ZFPM1: variants seen among roughly 807,000 people sequenced by gnomAD.
ZFPM1 encodes the protein zinc finger protein ZFPM1.
A neutral mutation model predicts 46.3 loss-of-function variants in ZFPM1; 28 were observed. That is an observed-to-expected ratio of 0.60 (90% CI 0.45 to 0.83). The LOEUF (loss-of-function observed/expected upper bound fraction) is 0.83, where lower values mean the gene tolerates loss of function less well. Ranked by LOEUF, ZFPM1 falls within the 40% of genes least tolerant of loss-of-function variation. The pLI, the probability that ZFPM1 is intolerant of heterozygous loss-of-function variation, is 0.00. For missense variants in ZFPM1, 1,878 were observed against 1,432.4 expected, an observed-to-expected ratio of 1.31 and a Z score of -5.02; for synonymous variants, 957 against 675.9, an observed-to-expected ratio of 1.42 and a Z score of -6.45.
intron 3 of ZFPM1, among the ~76,000 whole-genome samples, chr16:88,499,692 T>A (rs1910143109): frequency 6.6e-6 from 1 of 152,184 alleles, no homozygotes; most frequent in African/African-American, 2.4e-5. Context: ...TTGGCTGAAG[T>A]GGGCAGTGTC....
At chr16:88,523,932 C>T (rs566789934) in intron 4 of ZFPM1, among the ~76,000 whole-genome samples, 17 of 152,314 alleles carry the variant, frequency 1.1e-4, no homozygotes, top group African/African-American at 2.9e-4. Context: ...GGGAACATGG[C>T]GCCTGCCCTC....
chr16:88,504,173 A>G (rs1389363701), intron 3 of ZFPM1, among the ~76,000 whole-genome samples: 1 of 152,042 alleles, frequency 6.6e-6, no homozygotes, highest in Non-Finnish European at 1.5e-5. Context: ...TGGTAGGAAG[A>G]AAGGGCCCTC....
intron 3 of ZFPM1, among the ~76,000 whole-genome samples, chr16:88,509,276 C>T (rs1024726372): frequency 1.3e-5 from 2 of 152,230 alleles, no homozygotes; most frequent in South Asian, 2.1e-4. Context: ...GAGACAGGGC[C>T]GCTCCCAACA....
chr16:88,532,647 C>T lies in ZFPM1; in HGVS notation c.980C>T (p.Ser327Leu), dbSNP rs761088971. 8 of 1,589,898 alleles carry T rather than the reference C, an allele frequency of 5.0e-6. 1 individual carries two copies. Among genetic ancestry groups the T allele is most frequent in the South Asian group, 2.3e-5 (2 of 88,664 alleles). Residue 327 changes from serine (S) to leucine (L), a missense_variant, in exon 8 of 10, where the codon TCG becomes TTG. Transcript: ENST00000319555. ...ERPFVCLICLSAFTTKANCER... is the reference protein window; with the variant it reads ...ERPFVCLICLLAFTTKANCER... ...CCCTTCGTGTGCCTGATCTGCCTGT[C>T]GGCCTTCACCACCAAGGCCAACTGC...
rs1195341088 is a variant in ZFPM1, at chr16:88,469,567, T to G, written c.40+15889T>G. Among the ~76,000 whole-genome samples, 1 of 152,094 alleles carries G rather than the reference T, an allele frequency of 6.6e-6. No individual in the cohort carries two copies. Among genetic ancestry groups the G allele is most frequent in the Non-Finnish European group, 1.5e-5 (1 of 68,024 alleles). ...TGTCTACAGGGGGCTTAGGACACCTTAGGGGGCATGCACCTGTGTTCTGCA... is the reference window on the plus strand; with the variant it reads ...TGTCTACAGGGGGCTTAGGACACCTGAGGGGGCATGCACCTGTGTTCTGCA... On this transcript the variant is annotated intron_variant, in intron 1 of 9. Transcript: ENST00000319555. The surrounding 1 kb of genome is among the most constrained non-coding windows in gnomAD (Gnocchi z 4.3).
intron 1 of ZFPM1, among the ~76,000 whole-genome samples, chr16:88,482,309 C>T (rs376051693): frequency 5.8e-4 from 88 of 152,176 alleles, no homozygotes; most frequent in African/African-American, 2.0e-3. Context: ...CTTAGGGGCT[C>T]GGTGGGGACC....
At chr16:88,464,365 G>C (rs1019083061) in intron 1 of ZFPM1, among the ~76,000 whole-genome samples, 2 of 152,208 alleles carry the variant, frequency 1.3e-5, no homozygotes, top group Non-Finnish European at 2.9e-5. Context: ...CAGAGGGGAC[G>C]GGACACCCTG....
chr16:88,497,860 C>A lies in ZFPM1; in HGVS notation c.268+8707C>A, dbSNP rs1910023396. Among the ~76,000 whole-genome samples, 1 of 152,150 alleles carries A rather than the reference C, an allele frequency of 6.6e-6. No homozygotes were observed. Among genetic ancestry groups the A allele is most frequent in the African/African-American group, 2.4e-5 (1 of 41,442 alleles). On this transcript the variant is annotated intron_variant, in intron 3 of 9. Coordinates refer to ENST00000319555, the MANE Select transcript of ZFPM1 (RefSeq NM_153813.3). This position sits in a 1 kb window ranked among gnomAD's most constrained non-coding sequence, Gnocchi z 5.4. ...GGGCCGAGCTCCATCTGACTAATCTCGCCGGCGGAGCGTCTACGCAAACCT... is the reference window on the plus strand; with the variant it reads ...GGGCCGAGCTCCATCTGACTAATCTAGCCGGCGGAGCGTCTACGCAAACCT...
intron 3 of ZFPM1, among the ~76,000 whole-genome samples, chr16:88,506,631 A>T (rs1910676614): frequency 6.6e-6 from 1 of 152,148 alleles, no homozygotes; most frequent in South Asian, 2.1e-4. Context: ...GCCCAGACGT[A>T]TGTGACATCT....
In ZFPM1 at chr16:88,531,494, C is replaced by A. The variant is rs57411602; in HGVS notation, c.713-508C>A. Among the ~76,000 whole-genome samples the A allele has an allele frequency of 5.9e-4, 90 of 152,284 alleles. 1 individual carries two copies. The East Asian group carries it at 0.014, about 23-fold the overall frequency. On this transcript the variant is annotated intron_variant, in intron 6 of 9. Coordinates refer to ENST00000319555, the MANE Select transcript of ZFPM1 (RefSeq NM_153813.3). ...TAACTTGTGCACTCCTGGTCTCATG[C>A]CCACATCCCTAGAACTGCAGTCAGC...
At chr16:88,455,195 T>C (rs1225463176) in intron 1 of ZFPM1, among the ~76,000 whole-genome samples, 2 of 149,408 alleles carry the variant, frequency 1.3e-5, no homozygotes, top group African/African-American at 4.9e-5. Context: ...TGATGAGAAA[T>C]GCAGATAGCT....
At position 88,471,777 on chromosome 16, in the gene ZFPM1, A is replaced by G. The variant is rs944650275; in HGVS notation, c.41-14162A>G. 6.6e-6 allele frequency among the ~76,000 whole-genome samples: 1 copy of G among 152,228 alleles called. No individual in the cohort carries two copies. Among genetic ancestry groups the G allele is most frequent in the African/African-American group, 2.4e-5 (1 of 41,460 alleles). On this transcript the variant is annotated intron_variant, in intron 1 of 9. Coordinates refer to ENST00000319555, the MANE Select transcript of ZFPM1 (RefSeq NM_153813.3). The surrounding 1 kb of genome is among the most constrained non-coding windows in gnomAD (Gnocchi z 4.1). The stretch of plus-strand genomic sequence containing the variant: ...CACTGGGATCTGCCACAGACACCTG[A>G]GCCTGTGACTAAGACTAAGGCTGTG...
chr16:88,467,035 C>T (rs1223986934), intron 1 of ZFPM1, among the ~76,000 whole-genome samples: 1 of 152,132 alleles, frequency 6.6e-6, no homozygotes, highest in Non-Finnish European at 1.5e-5. Context: ...CCAAAGCCCT[C>T]TCTGCCCGCA....
At chr16:88,532,740 G>A (rs759785068) in intron 8 of ZFPM1, 31 bp downstream of exon 8, 2 of 1,612,498 alleles carry the variant, frequency 1.2e-6, no homozygotes, top group South Asian at 2.2e-5. Flanking sequence ...GGGGTGTGTG[G>A]GTCCCGCCTC....
chr16:88,505,736 C>G (rs964226435), intron 3 of ZFPM1, among the ~76,000 whole-genome samples: 2 of 152,186 alleles, frequency 1.3e-5, no homozygotes, highest in Admixed American at 6.5e-5. Flanking sequence ...CCCAGGCCCC[C>G]TGCGATGTGG....
intron 3 of ZFPM1, among the ~76,000 whole-genome samples, chr16:88,494,831 C>A (rs1909844447): frequency 6.6e-6 from 1 of 152,114 alleles, no homozygotes; most frequent in South Asian, 2.1e-4. Flanking sequence ...AGAGAAGGGA[C>A]CTCGGGTGGA....
Position 88,514,437 on chromosome 16 carries a change from C to G in ZFPM1, c.319C>G (p.Leu107Val). 6.4e-7 allele frequency: 1 copy of G among 1,558,304 alleles called. No individual in the cohort carries two copies. The highest frequency in any genetic ancestry group is 8.7e-7 in the Non-Finnish European group (1 of 1,151,366). The part of the protein sequence containing the change: ...QDGQRRIRAR[L>V]SLATGLSWGP... ...TGGGCAGAGGCGCATACGGGCCCGACTCAGCCTCGCCACGGGCCTGTCCTG... is the reference window on the plus strand; with the variant it reads ...TGGGCAGAGGCGCATACGGGCCCGAGTCAGCCTCGCCACGGGCCTGTCCTG... The change falls in exon 4 of 10, where the codon CTC becomes GTC. Residue 107 changes from leucine (L) to valine (V), a missense_variant. Coordinates refer to ENST00000319555, the MANE Select transcript of ZFPM1 (RefSeq NM_153813.3).
At position 88,533,207 on chromosome 16, in the gene ZFPM1, G is replaced by A. The variant is rs1912939017; in HGVS notation, c.1249G>A (p.Asp417Asn). 1 of 1,556,824 alleles carries A rather than the reference G, an allele frequency of 6.4e-7. No homozygotes were observed. Among genetic ancestry groups the A allele is most frequent in the African/African-American group, 1.4e-5 (1 of 73,748 alleles). Reference protein sequence around the residue: ...TALQGPLASADLGLAPTPSPG... With the variant: ...TALQGPLASANLGLAPTPSPG... The stretch of plus-strand genomic sequence containing the variant: ...CCTGCAAGGCCCCCTGGCCTCCGCG[G>A]ACCTGGGCCTGGCGCCCACCCCATC... Residue 417 changes from aspartate (D) to asparagine (N), a missense_variant, in exon 10 of 10, where the codon GAC becomes AAC. By Grantham distance (23) the Asp-to-Asn change is conservative (BLOSUM62 1). Transcript: ENST00000319555.
intron 4 of ZFPM1, among the ~76,000 whole-genome samples, chr16:88,515,870 G>T (rs1052792892): frequency 2.6e-5 from 4 of 152,220 alleles, no homozygotes; most frequent in Non-Finnish European, 5.9e-5. Flanking sequence ...CTGGGGTGCT[G>T]GGATGTGGGG....
Sources: gnomAD v4.1 joint callset for allele counts (sites outside exome capture counted in the v4.1 genomes callset) on GRCh38, gnomAD v4.1.1 for gene constraint, Gnocchi (gnomAD v3.1) non-coding constraint, MANE v1.5 for transcripts, NCBI Gene and HGNC (gene_info 2026-07-23, HGNC 2026-07-21) for gene names.